MALT1: variants seen among roughly 807,000 people sequenced by gnomAD.
MALT1 encodes MALT1 paracaspase.
A neutral mutation model predicts 85.5 loss-of-function variants in MALT1; 36 were observed. The observed-to-expected ratio is 0.42, with a 90% confidence interval of 0.32 to 0.56. The LOEUF is 0.56. Among genes scored for constraint, MALT1 ranks in the 20% least tolerant of loss-of-function variants. MALT1 has a pLI of 0.10. For missense variants in MALT1, 716 were observed against 981.6 expected (o/e 0.73, Z 3.62); for synonymous variants, 359 against 361.3 (o/e 0.99, Z 0.07).
intron 1 of MALT1, among the ~76,000 whole-genome samples, chr18:58,679,478 G>A (rs1057223329): frequency 6.6e-6 from 1 of 152,246 alleles, no homozygotes; most frequent in African/African-American, 2.4e-5. Context: ...CAGAAATCAG[G>A]TAGCTGAACA....
At chr18:58,685,357 C>CTT (rs2054386265) in intron 2 of MALT1, among the ~76,000 whole-genome samples, 1 of 152,148 alleles carries the variant, frequency 6.6e-6, no homozygotes, top group Non-Finnish European at 1.5e-5. Context: ...AAACTATAGT[C>CTT]TTACGTTGCC....
chr18:58,682,589 T>C (rs1009784073), intron 2 of MALT1, among the ~76,000 whole-genome samples: 1 of 152,208 alleles, frequency 6.6e-6, no homozygotes, highest in African/African-American at 2.4e-5. Flanking sequence ...TTCGGTCAAA[T>C]GCCTAGCTCT....
intron 2 of MALT1, among the ~76,000 whole-genome samples, chr18:58,693,524 T>C (rs1328578950): frequency 6.6e-6 from 1 of 152,004 alleles, no homozygotes; most frequent in Admixed American, 6.5e-5. Context: ...TGGAAGAAGA[T>C]GTCATCTAGA....
At chr18:58,708,772 G>C (rs1007610865) in intron 4 of MALT1, among the ~76,000 whole-genome samples, 1 of 152,168 alleles carries the variant, frequency 6.6e-6, no homozygotes, top group African/African-American at 2.4e-5. Context: ...CTGATCACCT[G>C]TAATGTGTTA....
intron 4 of MALT1, among the ~76,000 whole-genome samples, chr18:58,706,491 A>T (rs118191482): frequency 6.6e-6 from 1 of 152,314 alleles, no homozygotes; most frequent in East Asian, 1.9e-4. Context: ...TGTTTAAAAT[A>T]TTCACTGACA....
chr18:58,743,364 A>C (rs897086902), intron 14 of MALT1, among the ~76,000 whole-genome samples: 1 of 152,224 alleles, frequency 6.6e-6, no homozygotes, highest in South Asian at 2.1e-4. Flanking sequence ...CAACAAGAGC[A>C]AAACTCAGTC....
At position 58,752,807 on chromosome 18, in the gene MALT1, A is replaced by G. The variant is rs2055464744; in HGVS notation, c.*4965A>G. 6.6e-6 allele frequency: 1 copy of G among 152,212 alleles called. No individual in the cohort carries two copies. 9.4% of individuals were successfully genotyped at this position (152,212 alleles called of 1,614,324 possible). On this transcript the variant is annotated 3_prime_UTR_variant, in exon 17 of 17. Coordinates refer to ENST00000649217, the MANE Select transcript of MALT1 (RefSeq NM_006785.4). Reference sequence around the variant, plus strand: ...AGGGCAAGACGCTGTCTCAAAAATAAAATATTAGTAAAGAAGAGTACAATC... The same window carrying G: ...AGGGCAAGACGCTGTCTCAAAAATAGAATATTAGTAAAGAAGAGTACAATC...
intron 13 of MALT1, among the ~76,000 whole-genome samples, chr18:58,740,761 G>GT (rs35618292): frequency 0.13 from 20,081 of 152,032 alleles, 2,390 homozygotes; most frequent in African/African-American, 0.31. Context: ...AGAACTCTAT[G>GT]TATGCCCATT....
chr18:58,710,944 T>C lies in MALT1; in HGVS notation c.949T>C (p.Cys317Arg), dbSNP rs747732838. 3.3e-5 allele frequency: 52 copies of C among 1,576,046 alleles called. No individual in the cohort carries two copies. Among genetic ancestry groups the C allele is most frequent in the Non-Finnish European group, 3.4e-5 (40 of 1,165,458 alleles). The stretch of plus-strand genomic sequence containing the variant: ...AGGAAGAACAGATGAGGCAGTGGAG[T>C]GCACTGAAGGTAGTGTAAGTCTTTG... Reference protein sequence around the residue: ...IIGRTDEAVECTEDELNNLGH... With the variant: ...IIGRTDEAVERTEDELNNLGH... The change falls in exon 7 of 17, where the codon TGC (cysteine) becomes CGC (arginine). Residue 317 changes from cysteine to arginine, a missense_variant. By Grantham distance (180) the Cys-to-Arg change is radical. This residue lies in a region of MALT1 where 290 missense variants were observed against 380.5 expected (regional missense o/e 0.76). Transcript: ENST00000649217.
chr18:58,694,059 C>T (rs536325619), intron 2 of MALT1, among the ~76,000 whole-genome samples: 2 of 152,292 alleles, frequency 1.3e-5, no homozygotes, highest in Admixed American at 6.5e-5. Flanking sequence ...ATCCCATTTT[C>T]CACCTTTCCT....
At position 58,707,524 on chromosome 18, in the gene MALT1, C is replaced by T. The variant is rs528452437; in HGVS notation, c.650-1854C>T. 1.3e-4 allele frequency among the ~76,000 whole-genome samples: 20 copies of T among 152,098 alleles called. No individual in the cohort carries two copies. The East Asian group carries it at 3.7e-3, about 28-fold the overall frequency. On this transcript the variant is annotated intron_variant, in intron 4 of 16. Coordinates refer to ENST00000649217, the MANE Select transcript of MALT1 (RefSeq NM_006785.4). ...ACATGCCATGGTGGTTTGCTGCACC[C>T]GTTAACCTGTCATCTACATTAGGTA...
chr18:58,684,568 TC>T (rs904758075), intron 2 of MALT1, among the ~76,000 whole-genome samples: 60 of 148,736 alleles, frequency 4.0e-4, no homozygotes, highest in African/African-American at 1.4e-3. Context: ...TGCCTCAGCC[TC>T]CCGAGTATCT....
chr18:58,691,267 T>G, intron 2 of MALT1: 2 of 468,290 alleles, frequency 4.3e-6, no homozygotes, highest in Non-Finnish European at 8.1e-6. Flanking sequence ...TATCTCCATA[T>G]CCTGCACTTC....
intron 7 of MALT1, 108 bp from the exon 8 acceptor site, chr18:58,713,975 A>C (rs1195492000): frequency 1.7e-6 from 1 of 597,270 alleles, no homozygotes; most frequent in East Asian, 3.1e-5. Flanking sequence ...TAAACTGATA[A>C]AACACTATAA....
intron 10 of MALT1, among the ~76,000 whole-genome samples, chr18:58,731,849 CTTTT>C (rs1445466586): frequency 4.6e-5 from 7 of 152,148 alleles, no homozygotes; most frequent in Non-Finnish European, 1.0e-4. Flanking sequence ...CTTTGTCCTT[CTTTT>C]TTGTTTCTCT....
intron 9 of MALT1, 77 bp from the exon 10 acceptor site, chr18:58,722,971 A>G (rs2055004491): frequency 1.1e-6 from 1 of 919,086 alleles, no homozygotes; most frequent in Non-Finnish European, 1.7e-6. Context: ...CATACTTTTT[A>G]TTATAATACC....
At chr18:58,676,536 G>A (rs1196110924) in intron 1 of MALT1, among the ~76,000 whole-genome samples, 2 of 152,130 alleles carry the variant, frequency 1.3e-5, no homozygotes, top group Non-Finnish European at 2.9e-5. Flanking sequence ...TGCCTACTCA[G>A]GCTGAGATGG....
chr18:58,671,886 G>GGTC, intron 1 of MALT1, 34 bp downstream of exon 1: 1 of 1,205,904 alleles, frequency 8.3e-7, no homozygotes. Flanking sequence ...CGGGCGCGCG[G>GGTC]GTCGAGCGGG....
At position 58,747,463 on chromosome 18, in the gene MALT1, T is replaced by C; in HGVS notation, c.2096T>C (p.Val699Ala). ...CAGTACTCAGGATTGGAAGATACTG[T>C]AGAGGACAAGCAGGAAGTGAATGTT... ...SYQYSGLEDT[V>A]EDKQEVNVGK... The change falls in exon 17 of 17, where the codon GTA (valine) becomes GCA (alanine). Residue 699 changes from valine (V) to alanine (A), a missense_variant. Val to Ala is a moderately conservative substitution (Grantham distance 64, BLOSUM62 0). Around this residue, in one of 4 missense-constraint regions of MALT1, gnomAD observed 260 missense variants for 323.7 expected, o/e 0.80. Coordinates refer to ENST00000649217, the MANE Select transcript of MALT1 (RefSeq NM_006785.4). The C allele has an allele frequency of 6.2e-7, 1 of 1,613,912 alleles. No individual in the cohort carries two copies. The highest frequency in any genetic ancestry group is 8.5e-7 in the Non-Finnish European group (1 of 1,179,796).
Sources: allele counts gnomAD v4.1 joint callset (sites outside exome capture counted in the v4.1 genomes callset), GRCh38; gene constraint gnomAD v4.1.1; regional missense constraint gnomAD v4.1.1; transcripts MANE v1.5; gene names NCBI Gene and HGNC (gene_info 2026-07-23, HGNC 2026-07-21).